Variants in PARD3 observed in about 807,000 individuals in gnomAD.
PARD3 encodes partitioning defective 3 homolog.
A neutral mutation model predicts 155.4 loss-of-function variants in PARD3; 75 were observed. That is an observed-to-expected ratio of 0.48 (90% CI 0.40 to 0.58). The LOEUF (loss-of-function observed/expected upper bound fraction) is 0.58, where lower values mean the gene tolerates loss of function less well. PARD3 is among the 20% of genes least tolerant of loss of function. The pLI, the probability that PARD3 is intolerant of heterozygous loss-of-function variation, is 0.00. For missense variants in PARD3, 1,642 were observed against 1,721.7 expected, an observed-to-expected ratio of 0.95 and a Z score of 0.82; for synonymous variants, 576 against 610.5, an observed-to-expected ratio of 0.94 and a Z score of 0.83.
At chr10:34,371,836 C>T (rs1840699219) in intron 12 of PARD3, among the ~76,000 whole-genome samples, 1 of 151,838 alleles carries the variant, frequency 6.6e-6, no homozygotes, top group Non-Finnish European at 1.5e-5. Flanking sequence ...CTTTTTACTC[C>T]CATATAGCGC....
chr10:34,533,360 C>A (rs961314793), intron 2 of PARD3, among the ~76,000 whole-genome samples: 1 of 152,116 alleles, frequency 6.6e-6, no homozygotes, highest in African/African-American at 2.4e-5. Flanking sequence ...ATCATCCATA[C>A]CCCAAACCTC....
At chr10:34,378,381 A>G (rs976344444) in intron 9 of PARD3, among the ~76,000 whole-genome samples, 3 of 152,226 alleles carry the variant, frequency 2.0e-5, no homozygotes, top group African/African-American at 7.2e-5. Flanking sequence ...GACTGCTAAA[A>G]GTTTTTAAAT....
intron 5 of PARD3, among the ~76,000 whole-genome samples, chr10:34,433,479 T>G (rs2076046309): frequency 6.6e-6 from 1 of 152,202 alleles, no homozygotes; most frequent in East Asian, 1.9e-4. Context: ...AATACCAAAG[T>G]CTCAGCCAGA....
intron 5 of PARD3, among the ~76,000 whole-genome samples, chr10:34,402,491 A>G (rs1843994574): frequency 6.6e-6 from 1 of 152,152 alleles, no homozygotes; most frequent in Admixed American, 6.6e-5. Flanking sequence ...ATTTCACATA[A>G]AGTTACCCTA....
intron 16 of PARD3, among the ~76,000 whole-genome samples, chr10:34,340,827 G>A (rs1020534646): frequency 6.6e-6 from 1 of 152,000 alleles, no homozygotes; most frequent in African/African-American, 2.4e-5. Context: ...AAGTGGTGAA[G>A]GAACAACACC....
chr10:34,423,668 C>A (rs181075207), intron 5 of PARD3, among the ~76,000 whole-genome samples: 70 of 152,132 alleles, frequency 4.6e-4, no homozygotes, highest in Admixed American at 2.1e-3. Context: ...AAATACAGCA[C>A]ACTGATTCAC....
intron 2 of PARD3, among the ~76,000 whole-genome samples, chr10:34,619,488 T>C (rs2091482783): frequency 6.6e-6 from 1 of 152,204 alleles, no homozygotes; most frequent in African/African-American, 2.4e-5. Context: ...AATGAATAAA[T>C]AGCTTAAATA....
chr10:34,211,845 TCTCA>T (rs954184152), intron 22 of PARD3, among the ~76,000 whole-genome samples: 2 of 150,988 alleles, frequency 1.3e-5, no homozygotes, highest in African/African-American at 4.9e-5. Flanking sequence ...TCCCCAGGAG[TCTCA>T]CTGTCTGTGA....
chr10:34,709,563 G>A (rs1364469039), intron 1 of PARD3, among the ~76,000 whole-genome samples: 1 of 152,186 alleles, frequency 6.6e-6, no homozygotes, highest in African/African-American at 2.4e-5. Context: ...TGGAGGCGGG[G>A]GCCACACACA....
At chr10:34,698,025 G>A (rs1480333664) in intron 1 of PARD3, among the ~76,000 whole-genome samples, 2 of 152,028 alleles carry the variant, frequency 1.3e-5, no homozygotes, top group Non-Finnish European at 2.9e-5. Flanking sequence ...TAAGAAAGAG[G>A]TGTCCCCTGG....
chr10:34,570,686 C>T (rs144013138), intron 2 of PARD3, among the ~76,000 whole-genome samples: 9 of 152,026 alleles, frequency 5.9e-5, no homozygotes, highest in East Asian at 3.9e-4. Context: ...TATCAGAAAC[C>T]GAAAAATAAA....
At chr10:34,295,632 T>C (rs887497854) in intron 20 of PARD3, among the ~76,000 whole-genome samples, 1 of 152,218 alleles carries the variant, frequency 6.6e-6, no homozygotes, top group Admixed American at 6.5e-5. Context: ...TTTTGCAGGA[T>C]ATCATTATGT....
At chr10:34,693,175 GT>G (rs1483364751) in intron 2 of PARD3, among the ~76,000 whole-genome samples, 1 of 152,220 alleles carries the variant, frequency 6.6e-6, no homozygotes, top group Non-Finnish European at 1.5e-5. Context: ...TTTGGCCATT[GT>G]GGAAAGCAGT....
At chr10:34,600,119 G>A (rs921612422) in intron 2 of PARD3, among the ~76,000 whole-genome samples, 83 of 150,960 alleles carry the variant, frequency 5.5e-4, no homozygotes, top group African/African-American at 1.9e-3. Flanking sequence ...TGGATGGCTT[G>A]AGCTCAGGAG....
chr10:34,486,112 A>C (rs1020053852), intron 3 of PARD3, among the ~76,000 whole-genome samples: 1 of 151,726 alleles, frequency 6.6e-6, no homozygotes, highest in Admixed American at 6.6e-5. Context: ...TTGTAGATAC[A>C]GTGTCATGTT....
chr10:34,372,393 G>T (rs749393901), intron 12 of PARD3, 105 bp downstream of exon 12: 3 of 880,510 alleles, frequency 3.4e-6, no homozygotes, highest in Non-Finnish European at 3.8e-6. Flanking sequence ...TAAATATTAC[G>T]AGCCAGGAAA....
At chr10:34,341,183 G>GAAAAAAAAAAAAA (rs58274978) in intron 16 of PARD3, among the ~76,000 whole-genome samples, 1 of 117,346 alleles carries the variant, frequency 8.5e-6, no homozygotes, top group Non-Finnish European at 1.8e-5. Context: ...ATAGCACTCT[G>GAAAAAAAAAAAAA]AAAAAAAAAA....
chr10:34,137,975 G>A (rs1425225009), intron 22 of PARD3, among the ~76,000 whole-genome samples: 1 of 152,140 alleles, frequency 6.6e-6, no homozygotes, highest in East Asian at 1.9e-4. Context: ...GCATTATGGG[G>A]GCTGTACATT....
intron 23 of PARD3, 123 bp downstream of exon 23, chr10:34,131,340 A>G: frequency 1.0e-6 from 1 of 976,272 alleles, no homozygotes; most frequent in Admixed American, 2.2e-5. Context: ...TCAATATGTT[A>G]AAGGTCAAAG....
Sources: allele counts gnomAD v4.1 joint callset (sites outside exome capture counted in the v4.1 genomes callset), GRCh38; gene constraint gnomAD v4.1.1; transcripts MANE v1.5; gene names NCBI Gene and HGNC (gene_info 2026-07-23, HGNC 2026-07-21).